PNOC: variants seen among roughly 807,000 people sequenced by gnomAD.
PNOC encodes the protein prepronociceptin.
Under a neutral mutation model 15.6 loss-of-function variants are expected in PNOC, and 10 were observed. The ratio of observed to expected loss-of-function variants is 0.64; its 90% CI spans 0.40 to 1.09. PNOC has a LOEUF of 1.09. PNOC is among the 50% of genes least tolerant of loss of function. PNOC has a pLI of 0.01. For synonymous variants in PNOC, 98 were observed against 88.5 expected, an observed-to-expected ratio of 1.11 and a Z score of -0.60; for missense variants, 220 against 223.9, an observed-to-expected ratio of 0.98 and a Z score of 0.11.
chr8:28,339,141 C>G lies in PNOC; in HGVS notation c.228C>G (p.Ala76=), dbSNP rs1419596716. The change falls in exon 3 of 4, where the codon GCC becomes GCG. Residue 76 remains alanine (A), a synonymous_variant. Coordinates refer to ENST00000301908, the MANE Select transcript of PNOC (RefSeq NM_006228.5). ...GCTCTTGGCAGCTCAGCCCTGCCGCCCCAGAGCATGTGGCGGCTGCTCTCT... is the reference window on the plus strand; with the variant it reads ...GCTCTTGGCAGCTCAGCCCTGCCGCGCCAGAGCATGTGGCGGCTGCTCTCT... ...ARSSWQLSPA[A]PEHVAAALYQ... The G allele has an allele frequency of 1.9e-6, 3 of 1,613,346 alleles. No homozygotes were observed. In the South Asian group the frequency reaches 3.3e-5, roughly 18 times the overall value.
At chr8:28,338,859 G>C in intron 2 of PNOC, 181 bp from the exon 3 acceptor site, 1 of 1,052,540 alleles carries the variant, frequency 9.5e-7, no homozygotes, top group East Asian at 2.7e-5. Flanking sequence ...ATGATTCTCT[G>C]TTTGTTTCCA....
rs747870199 is a variant in PNOC, at chr8:28,339,479, C to T, written c.*35C>T. 6.6e-6 allele frequency: 10 copies of T among 1,503,946 alleles called. No individual in the cohort carries two copies. The Admixed American group carries it at 1.6e-4, about 23-fold the overall frequency. The allele number at this position is 1,503,946 out of a possible 1,614,324, so 93.2% of individuals were successfully genotyped here. A position where few individuals can be genotyped will look rare whatever the true frequency, so the allele number is the denominator to read the frequency against. On this transcript the variant is annotated 3_prime_UTR_variant, in exon 3 of 4. Transcript: ENST00000301908. ...GCGCTCCTCCCAGCTGTACCGGCCA[C>T]TGCAACCCATGAGTGAGTTGGGCAC...
Position 28,328,662 on chromosome 8 carries a change from A to G in PNOC, c.-23-473A>G, listed in dbSNP as rs555392323. 4.6e-5 allele frequency among the ~76,000 whole-genome samples: 7 copies of G among 152,300 alleles called. No homozygotes were observed. In the East Asian group the frequency reaches 9.6e-4, roughly 21 times the overall value. Reference sequence around the variant, plus strand: ...AAACTCCCCTTACAGATCTCATTTCATCTTCACAATAGGCCTGTGATAAGG... The same window carrying G: ...AAACTCCCCTTACAGATCTCATTTCGTCTTCACAATAGGCCTGTGATAAGG... On this transcript the variant is annotated intron_variant, in intron 1 of 3. Transcript: ENST00000301908.
chr8:28,318,818 G>T (rs769299803), intron 1 of PNOC, among the ~76,000 whole-genome samples: 1 of 152,246 alleles, frequency 6.6e-6, no homozygotes, highest in African/African-American at 2.4e-5. Context: ...GCACAGGGCA[G>T]CAGCCCCTGC....
intron 1 of PNOC, among the ~76,000 whole-genome samples, chr8:28,323,431 A>G (rs1230820949): frequency 6.6e-6 from 1 of 152,250 alleles, no homozygotes; most frequent in Non-Finnish European, 1.5e-5. Flanking sequence ...TTGTATAAAA[A>G]TAGCAACAAC....
intron 1 of PNOC, among the ~76,000 whole-genome samples, chr8:28,322,575 T>A (rs1801168112): frequency 6.6e-6 from 1 of 152,148 alleles, no homozygotes; most frequent in Admixed American, 6.5e-5. Flanking sequence ...TCTGCTCAAC[T>A]ATAAAATGGG....
At position 28,325,173 on chromosome 8, in the gene PNOC, C is replaced by T. The variant is rs541905922; in HGVS notation, c.-23-3962C>T. ...GTTGTGCCTGTGTTGATAGATGGGG[C>T]CCCCGAGGCTCGCTGGCCTCCCACT... is the stretch of plus-strand genomic sequence containing the variant. On this transcript the variant is annotated intron_variant, in intron 1 of 3. Coordinates refer to ENST00000301908, the MANE Select transcript of PNOC (RefSeq NM_006228.5). 3.9e-5 allele frequency among the ~76,000 whole-genome samples: 6 copies of T among 152,230 alleles called. No individual in the cohort carries two copies. In the East Asian group the frequency reaches 1.2e-3, roughly 29 times the overall value.
At chr8:28,339,569 A>C (rs1801479577) in intron 3 of PNOC, 78 bp downstream of exon 3, 1 of 1,167,608 alleles carries the variant, frequency 8.6e-7, no homozygotes, top group African/African-American at 1.5e-5. Flanking sequence ...CCAGGCCTAG[A>C]AGCACATTCA....
chr8:28,330,397 T>TTTTTTA (rs1801306972), intron 2 of PNOC, among the ~76,000 whole-genome samples: 3 of 80,794 alleles, frequency 3.7e-5, no homozygotes, highest in African/African-American at 1.2e-4. Context: ...TTTTATTTTA[T>TTTTTTA]TTTTTTTTTT....
intron 2 of PNOC, among the ~76,000 whole-genome samples, chr8:28,337,390 C>T (rs1448401221): frequency 6.6e-6 from 1 of 152,174 alleles, no homozygotes; most frequent in Non-Finnish European, 1.5e-5. Flanking sequence ...ACCTCCGCCT[C>T]CCAGGTTCAA....
chr8:28,341,664 A>G (rs182847503), intron 3 of PNOC, among the ~76,000 whole-genome samples: 1 of 152,356 alleles, frequency 6.6e-6, no homozygotes, highest in East Asian at 1.9e-4. Flanking sequence ...ACTGAGAGGC[A>G]CTGAAACAAA....
At chr8:28,332,113 C>G (rs1248884654) in intron 2 of PNOC, among the ~76,000 whole-genome samples, 2 of 152,186 alleles carry the variant, frequency 1.3e-5, no homozygotes, top group East Asian at 3.9e-4. Context: ...GAAAATGGAC[C>G]TGTAAAAGCC....
intron 3 of PNOC, among the ~76,000 whole-genome samples, chr8:28,340,753 G>A (rs1801503444): frequency 6.6e-6 from 1 of 152,216 alleles, no homozygotes. Context: ...AGAAGGCAAG[G>A]GGAGCTGGCG....
At chr8:28,325,778 G>A (rs1801216284) in intron 1 of PNOC, among the ~76,000 whole-genome samples, 1 of 151,922 alleles carries the variant, frequency 6.6e-6, no homozygotes, top group African/African-American at 2.4e-5. Context: ...AGATGAAGCA[G>A]GAGTTGGTCA....
Position 28,329,182 on chromosome 8 carries a change from C to G in PNOC, c.25C>G (p.Leu9Val). 1 of 1,613,974 alleles carries G rather than the reference C, an allele frequency of 6.2e-7. No homozygotes were observed. The highest frequency in any genetic ancestry group is 8.5e-7 in the Non-Finnish European group (1 of 1,180,032). The change falls in exon 2 of 4, where the codon CTG (leucine) becomes GTG (valine). Residue 9 changes from leucine (L) to valine (V), a missense_variant. By Grantham distance (32) the Leu-to-Val change is conservative (BLOSUM62 1). Transcript: ENST00000301908. MKVLLCDL[L>V]LLSLFSSVFS... ...CATGAAAGTCCTGCTTTGTGACCTG[C>G]TGCTGCTCAGTCTCTTCTCCAGTGT...
chr8:28,342,115 C>G (rs1017166292), intron 3 of PNOC, among the ~76,000 whole-genome samples: 19 of 152,124 alleles, frequency 1.2e-4, no homozygotes, highest in African/African-American at 3.6e-4. Context: ...GATGCCGAGG[C>G]TGGTGGATCA....
intron 1 of PNOC, among the ~76,000 whole-genome samples, chr8:28,325,811 CCT>C (rs1801216800): frequency 2.0e-5 from 3 of 151,836 alleles, no homozygotes. Context: ...TGGAGCTCCC[CCT>C]GACAGCAACA....
chr8:28,329,251 C>G lies in PNOC; in HGVS notation c.94C>G (p.Leu32Val). The change falls in exon 2 of 4, where the codon CTC becomes GTC. Residue 32 changes from leucine (L) to valine (V), a missense_variant. Leu to Val is a conservative substitution (Grantham distance 32). Transcript: ENST00000301908. ...GGACTGTCTCACATGCCAGGAGAAGCTCCACCCAGCCCTGGACAGCTTCGA... is the reference window on the plus strand; with the variant it reads ...GGACTGTCTCACATGCCAGGAGAAGGTCCACCCAGCCCTGGACAGCTTCGA... Reference protein sequence around the residue: ...QRDCLTCQEKLHPALDSFDLE... With the variant: ...QRDCLTCQEKVHPALDSFDLE... 6.2e-7 allele frequency: 1 copy of G among 1,613,978 alleles called. No homozygotes were observed. Among genetic ancestry groups the G allele is most frequent in the South Asian group, 1.1e-5 (1 of 91,086 alleles).
At chr8:28,322,264 C>T (rs1168007328) in intron 1 of PNOC, among the ~76,000 whole-genome samples, 3 of 151,814 alleles carry the variant, frequency 2.0e-5, no homozygotes, top group African/African-American at 7.3e-5. Context: ...TGGTGGCGGG[C>T]ACCTGTAATC....
Sources: gnomAD v4.1 joint callset for allele counts (sites outside exome capture counted in the v4.1 genomes callset) on GRCh38, gnomAD v4.1.1 for gene constraint, MANE v1.5 for transcripts, NCBI Gene and HGNC (gene_info 2026-07-23, HGNC 2026-07-21) for gene names.